Variants in LRP1B observed in about 807,000 individuals in gnomAD.
LRP1B encodes the protein low-density lipoprotein receptor-related protein 1B.
A neutral mutation model predicts 556.6 loss-of-function variants in LRP1B; 217 were observed. The observed-to-expected ratio is 0.39, with a 90% CI of 0.35 to 0.44. The LOEUF (loss-of-function observed/expected upper bound fraction) is 0.44. LRP1B is among the 20% of genes least tolerant of loss of function. The pLI is 1.00. For synonymous variants in LRP1B, 2,047 were observed against 1,865.8 expected (o/e 1.10, Z -2.50); for missense variants, 5,053 against 5,620.8 (o/e 0.90, Z 3.23).
At chr2:141,138,189 C>CA (rs1165286781) in intron 7 of LRP1B, among the ~76,000 whole-genome samples, 1 of 151,734 alleles carries the variant, frequency 6.6e-6, no homozygotes, top group Non-Finnish European at 1.5e-5. Context: ...TCTCAATAGA[C>CA]AAAAAAATCG....
In LRP1B at chr2:140,371,198, C is replaced by A; in HGVS notation, c.10856G>T (p.Cys3619Phe). Residue 3619 changes from cysteine to phenylalanine, a missense_variant, in exon 70 of 91, where the codon TGT (cysteine) becomes TTT (phenylalanine). Transcript: ENST00000389484. Reference protein sequence around the residue: ...ASLKCNGEYDCADGSDEMDCV... With the variant: ...ASLKCNGEYDFADGSDEMDCV... ...TTTTACCTCATCTGAACCATCAGCA[C>A]AATCATATTCTCCATTACATTTCAA... 6.3e-7 allele frequency: 1 copy of A among 1,591,424 alleles called. No homozygotes were observed. The highest frequency in any genetic ancestry group is 8.6e-7 in the Non-Finnish European group (1 of 1,168,520).
chr2:141,500,256 T>C (rs1683665685), intron 2 of LRP1B, among the ~76,000 whole-genome samples: 1 of 152,140 alleles, frequency 6.6e-6, no homozygotes, highest in African/African-American at 2.4e-5. Flanking sequence ...CAAATCCCTT[T>C]GCTTTGTCTT....
chr2:140,267,167 G>C (rs1682243056), intron 86 of LRP1B, among the ~76,000 whole-genome samples: 2 of 151,934 alleles, frequency 1.3e-5, no homozygotes, highest in African/African-American at 4.8e-5. Context: ...GTATTTATTA[G>C]GTCAGTTTTA....
intron 67 of LRP1B, among the ~76,000 whole-genome samples, chr2:140,379,354 C>T (rs777166258): frequency 6.6e-6 from 1 of 152,072 alleles, no homozygotes; most frequent in Non-Finnish European, 1.5e-5. Flanking sequence ...TATAGAGTAA[C>T]ATCTTGATGG....
At chr2:142,016,370 T>C (rs574250469) in intron 1 of LRP1B, among the ~76,000 whole-genome samples, 14 of 152,282 alleles carry the variant, frequency 9.2e-5, no homozygotes, top group African/African-American at 2.9e-4. Context: ...TATAAAGGCA[T>C]ATGCACACGT....
At chr2:140,567,284 G>A (rs1171782512) in intron 43 of LRP1B, among the ~76,000 whole-genome samples, 3 of 152,064 alleles carry the variant, frequency 2.0e-5, no homozygotes, top group African/African-American at 7.2e-5. Flanking sequence ...TACTGCACTT[G>A]GCCTCAGAAT....
rs558239270 is a variant in LRP1B, at chr2:140,560,361, T to G, written c.7195-18390A>C. On this transcript the variant is annotated intron_variant, in intron 43 of 90. Transcript: ENST00000389484. ...CAGTTGCAGAAATTTGAAAAAGATC[T>G]GTAGATTAATTAATAATGTATCAAT... Among the ~76,000 whole-genome samples, 264 of 152,288 alleles carry G rather than the reference T, an allele frequency of 1.7e-3. 3 individuals carry two copies. Among genetic ancestry groups the G allele is most frequent in the Admixed American group, 3.9e-3 (59 of 15,268 alleles).
chr2:140,321,072 A>C (rs1477335959), intron 82 of LRP1B, among the ~76,000 whole-genome samples: 1 of 152,082 alleles, frequency 6.6e-6, no homozygotes, highest in Non-Finnish European at 1.5e-5. Context: ...TGAATGAATA[A>C]AATTAAAATA....
chr2:141,984,381 G>A (rs895824784), intron 1 of LRP1B, among the ~76,000 whole-genome samples: 1 of 35,608 alleles, frequency 2.8e-5, no homozygotes, highest in Non-Finnish European at 5.7e-5. Context: ...TGAAAGGTAT[G>A]TGTTTAAGAG....
intron 2 of LRP1B, among the ~76,000 whole-genome samples, chr2:141,759,005 C>T (rs540189799): frequency 1.3e-5 from 2 of 151,722 alleles, no homozygotes; most frequent in South Asian, 2.1e-4. Context: ...TTTTTAAACA[C>T]GTTGATAAAA....
intron 37 of LRP1B, among the ~76,000 whole-genome samples, chr2:140,715,170 T>A (rs1687164868): frequency 6.6e-6 from 1 of 152,018 alleles, no homozygotes; most frequent in South Asian, 2.1e-4. Flanking sequence ...AGGGTCTGAT[T>A]AAGAAGGATC....
chr2:140,513,736 A>T (rs878926108), intron 51 of LRP1B, among the ~76,000 whole-genome samples: 3 of 151,956 alleles, frequency 2.0e-5, no homozygotes, highest in Admixed American at 1.3e-4. Flanking sequence ...GCAGTCCACA[A>T]CCCCTGAAAT....
At chr2:140,429,017 C>T (rs1205908923) in intron 66 of LRP1B, among the ~76,000 whole-genome samples, 1 of 152,078 alleles carries the variant, frequency 6.6e-6, no homozygotes, top group African/African-American at 2.4e-5. Context: ...TTGTATCCCC[C>T]CACCTTAACC....
intron 2 of LRP1B, among the ~76,000 whole-genome samples, chr2:141,561,874 T>G (rs980083647): frequency 8.6e-5 from 13 of 151,912 alleles, no homozygotes; most frequent in African/African-American, 3.1e-4. Flanking sequence ...ATTACCACGA[T>G]AGCTTATTTT....
intron 3 of LRP1B, among the ~76,000 whole-genome samples, chr2:141,261,980 A>G (rs942422860): frequency 5.9e-5 from 9 of 152,144 alleles, no homozygotes; most frequent in Admixed American, 2.0e-4. Context: ...AAATGGCTGC[A>G]TTCTTTTATA....
At chr2:141,421,928 C>G (rs1244783006) in intron 3 of LRP1B, among the ~76,000 whole-genome samples, 1 of 152,134 alleles carries the variant, frequency 6.6e-6, no homozygotes, top group Admixed American at 6.6e-5. Context: ...TTGAGTCTCT[C>G]TCTTGGTTGT....
intron 36 of LRP1B, 49 bp downstream of exon 36, chr2:140,716,633 C>T (rs1271330913): frequency 3.3e-6 from 5 of 1,536,744 alleles, no homozygotes; most frequent in Non-Finnish European, 4.4e-6. Flanking sequence ...AGTTTGAGCC[C>T]CTAACAAAAT....
At chr2:141,051,575 G>T (rs532335946) in intron 10 of LRP1B, among the ~76,000 whole-genome samples, 10 of 151,966 alleles carry the variant, frequency 6.6e-5, no homozygotes, top group Admixed American at 5.3e-4. Flanking sequence ...ACAAATCCCA[G>T]GTACCTAGCA....
In LRP1B at chr2:141,713,705, T is replaced by A. The variant is rs567631946; in HGVS notation, c.205+96574A>T. ...TTGAACAATTGAACAGAATGAGATG[T>A]CATAATATAAAAACAGAATTAATAT... is the stretch of plus-strand genomic sequence containing the variant. On this transcript the variant is annotated intron_variant, in intron 2 of 90. Transcript: ENST00000389484. Among the ~76,000 whole-genome samples the A allele has an allele frequency of 9.2e-5, 14 of 152,336 alleles. No homozygotes were observed. In the East Asian group the frequency reaches 1.7e-3, roughly 19 times the overall value.
Sources: allele counts gnomAD v4.1 joint callset (sites outside exome capture counted in the v4.1 genomes callset), GRCh38; gene constraint gnomAD v4.1.1; transcripts MANE v1.5; gene names NCBI Gene and HGNC (gene_info 2026-07-23, HGNC 2026-07-21).